The following ADAMTSL3 variants were observed in gnomAD, a reference collection of about 807,000 sequenced individuals.
ADAMTSL3 encodes ADAMTS-like protein 3.
In ADAMTSL3, 128 loss-of-function variants were observed where a neutral mutation model predicts 201.7. The observed-to-expected ratio is 0.63, with a 90% CI of 0.55 to 0.73. The LOEUF is 0.73. Ranked by LOEUF, ADAMTSL3 falls within the 30% of genes least tolerant of loss-of-function variation. The pLI is 0.00. For synonymous variants in ADAMTSL3, 738 were observed against 748.4 expected (o/e 0.99, Z 0.23); for missense variants, 1,990 against 2,119.6 (o/e 0.94, Z 1.20).
chr15:83,726,483 G>A (rs2062177163), intron 3 of ADAMTSL3, among the ~76,000 whole-genome samples: 2 of 152,066 alleles, frequency 1.3e-5, no homozygotes, highest in African/African-American at 4.8e-5. Flanking sequence ...GATCTTAGAG[G>A]AAAGGCTTGC....
chr15:83,904,563 C>G (rs1375451716), intron 15 of ADAMTSL3, among the ~76,000 whole-genome samples: 1 of 152,072 alleles, frequency 6.6e-6, no homozygotes, highest in African/African-American at 2.4e-5. Flanking sequence ...GTTCAAAAGG[C>G]TTTTTTGCTT....
At chr15:83,795,754 C>T (rs970920348) in intron 4 of ADAMTSL3, among the ~76,000 whole-genome samples, 9 of 151,912 alleles carry the variant, frequency 5.9e-5, no homozygotes, top group African/African-American at 9.7e-5. Context: ...GAAACATTTA[C>T]GTGGGAAATT....
intron 4 of ADAMTSL3, among the ~76,000 whole-genome samples, chr15:83,800,338 G>A (rs1007048973): frequency 1.3e-5 from 2 of 152,044 alleles, no homozygotes; most frequent in Non-Finnish European, 2.9e-5. Context: ...TAGGAGAGTT[G>A]TACATACTTT....
rs553901256 is a variant in ADAMTSL3, at chr15:83,873,075, C to T, written c.960+2116C>T. ...ATCCCAGCACTTAGGGAGGCCAAGG[C>T]GGGTGGATCACCTGAGGTCAGGAGT... On this transcript the variant is annotated intron_variant, in intron 9 of 29. Coordinates refer to ENST00000286744, the MANE Select transcript of ADAMTSL3 (RefSeq NM_207517.3). Among the ~76,000 whole-genome samples the T allele has an allele frequency of 8.3e-5, 12 of 145,022 alleles. 1 individual carries two copies. The highest frequency in any genetic ancestry group is 2.4e-4 in the African/African-American group (9 of 37,988).
At chr15:83,730,760 G>GCAGAAGCT (rs1239697946) in intron 3 of ADAMTSL3, among the ~76,000 whole-genome samples, 2 of 151,866 alleles carry the variant, frequency 1.3e-5, no homozygotes, top group Non-Finnish European at 2.9e-5. Flanking sequence ...TCTTTGCCAT[G>GCAGAAGCT]CAGAAGCTTT....
At chr15:84,004,266 G>C (rs909047792) in intron 23 of ADAMTSL3, among the ~76,000 whole-genome samples, 2 of 152,128 alleles carry the variant, frequency 1.3e-5, no homozygotes, top group Admixed American at 1.3e-4. Context: ...CATCTCCCCA[G>C]CCCTGCCCTG....
chr15:83,914,259 C>G (rs910295756), intron 16 of ADAMTSL3, among the ~76,000 whole-genome samples: 2 of 152,106 alleles, frequency 1.3e-5, no homozygotes, highest in African/African-American at 4.8e-5. Flanking sequence ...GCTCTTGGCT[C>G]AAGATCATGC....
At chr15:83,812,759 A>G (rs1184336729) in intron 5 of ADAMTSL3, among the ~76,000 whole-genome samples, 4 of 152,182 alleles carry the variant, frequency 2.6e-5, no homozygotes, top group African/African-American at 9.6e-5. Flanking sequence ...CCTCACACTT[A>G]ACTGAAATAG....
At chr15:83,683,145 G>A (rs2061496198) in intron 2 of ADAMTSL3, among the ~76,000 whole-genome samples, 1 of 152,228 alleles carries the variant, frequency 6.6e-6, no homozygotes, top group Non-Finnish European at 1.5e-5. Context: ...GAGAATGAAA[G>A]ATGGTTGATA....
chr15:83,696,100 C>T (rs1017059437), intron 2 of ADAMTSL3, among the ~76,000 whole-genome samples: 3 of 152,158 alleles, frequency 2.0e-5, no homozygotes, highest in Non-Finnish European at 1.5e-5. Flanking sequence ...CTGTGGCTGG[C>T]GTTGAGCCTG....
rs1288088391 is a variant in ADAMTSL3, at chr15:83,914,996, A to G, written c.1987+1618A>G. 2.0e-5 allele frequency among the ~76,000 whole-genome samples: 3 copies of G among 152,142 alleles called. No homozygotes were observed. The East Asian group carries it at 5.8e-4, about 29-fold the overall frequency. ...GGAAACCCTCTAGAGATAGCCACGG[A>G]GATGCAAAGATGGTCCCCTATTCAG... On this transcript the variant is annotated intron_variant, in intron 16 of 29. Coordinates refer to ENST00000286744, the MANE Select transcript of ADAMTSL3 (RefSeq NM_207517.3).
intron 3 of ADAMTSL3, among the ~76,000 whole-genome samples, chr15:83,738,282 C>T (rs2062399123): frequency 6.6e-6 from 1 of 152,172 alleles, no homozygotes; most frequent in South Asian, 2.1e-4. Context: ...CTTTCTCACC[C>T]ACTTTCCCCA....
intron 4 of ADAMTSL3, among the ~76,000 whole-genome samples, chr15:83,803,080 A>G (rs1456812483): frequency 1.3e-5 from 2 of 152,220 alleles, no homozygotes; most frequent in Non-Finnish European, 2.9e-5. Context: ...AAGAATTATC[A>G]TTGAAATGAG....
At chr15:83,727,624 A>G (rs1343457738) in intron 3 of ADAMTSL3, among the ~76,000 whole-genome samples, 2 of 151,930 alleles carry the variant, frequency 1.3e-5, no homozygotes. Context: ...TCATTGACCC[A>G]CTGGTCATTC....
intron 16 of ADAMTSL3, among the ~76,000 whole-genome samples, chr15:83,915,330 A>G (rs1596400352): frequency 6.6e-6 from 1 of 152,144 alleles, no homozygotes; most frequent in African/African-American, 2.4e-5. Context: ...GAGTTGCTCA[A>G]AGAGAGATGA....
intron 2 of ADAMTSL3, among the ~76,000 whole-genome samples, chr15:83,675,578 G>A (rs2061391957): frequency 6.8e-6 from 1 of 147,404 alleles, no homozygotes; most frequent in Admixed American, 6.7e-5. Context: ...ATATTCACGT[G>A]CTGTTTTCTT....
chr15:83,731,918 A>G (rs1055825206), intron 3 of ADAMTSL3, among the ~76,000 whole-genome samples: 5 of 152,004 alleles, frequency 3.3e-5, no homozygotes, highest in African/African-American at 1.2e-4. Context: ...TATGGTTACC[A>G]GGGCCTGGAA....
In ADAMTSL3 at chr15:83,654,891, A is replaced by G. The variant is rs1003898240; in HGVS notation, c.-34+615A>G. Among the ~76,000 whole-genome samples the G allele has an allele frequency of 1.3e-5, 2 of 152,140 alleles. No homozygotes were observed. The highest frequency in any genetic ancestry group is 2.9e-5 in the Non-Finnish European group (2 of 68,020). ...AAACAGCAGCACATTTGCGGATCACATTAGACCAGGCCCTTAATGCCTTCT... is the reference window on the plus strand; with the variant it reads ...AAACAGCAGCACATTTGCGGATCACGTTAGACCAGGCCCTTAATGCCTTCT... On this transcript the variant is annotated intron_variant, in intron 1 of 29. Coordinates refer to ENST00000286744, the MANE Select transcript of ADAMTSL3 (RefSeq NM_207517.3). The surrounding 1 kb of genome is among the most constrained non-coding windows in gnomAD (Gnocchi z 5.3).
chr15:83,732,644 T>G (rs1246817443), intron 3 of ADAMTSL3, among the ~76,000 whole-genome samples: 1 of 152,168 alleles, frequency 6.6e-6, no homozygotes, highest in Non-Finnish European at 1.5e-5. Context: ...AATATTCAGC[T>G]CCGTCTTAAC....
Sources: allele counts gnomAD v4.1 joint callset (sites outside exome capture counted in the v4.1 genomes callset), GRCh38; gene constraint gnomAD v4.1.1; non-coding constraint Gnocchi (gnomAD v3.1); transcripts MANE v1.5; gene names NCBI Gene and HGNC (gene_info 2026-07-23, HGNC 2026-07-21).